ALDH1L1: variants seen among roughly 807,000 people sequenced by gnomAD.
ALDH1L1 encodes the protein aldehyde dehydrogenase 1 family member L1.
In ALDH1L1, 68 loss-of-function variants were observed where a neutral mutation model predicts 101.1. The observed-to-expected ratio is 0.67, with a 90% CI of 0.55 to 0.82. ALDH1L1 has a LOEUF of 0.82. ALDH1L1 is among the 40% of genes least tolerant of loss of function. ALDH1L1 has a pLI of 0.00. For missense variants in ALDH1L1, 1,087 were observed against 1,172.7 expected (o/e 0.93, Z 1.07); for synonymous variants, 486 against 470.8 (o/e 1.03, Z -0.42).
chr3:126,180,907 A>C (rs1460452311), upstream of ALDH1L1: 3 of 1,603,498 alleles, frequency 1.9e-6, no homozygotes, highest in Admixed American at 1.7e-5. Flanking sequence ...GACCCTCGCC[A>C]AGCCGGTGAC....
At chr3:126,133,834 G>A (rs1056194160) in intron 12 of ALDH1L1, among the ~76,000 whole-genome samples, 2 of 152,196 alleles carry the variant, frequency 1.3e-5, no homozygotes, top group African/African-American at 4.8e-5. Flanking sequence ...CTCAGCCGTG[G>A]ACCACAGTGG....
chr3:126,137,703 G>T, intron 10 of ALDH1L1, 110 bp downstream of exon 10: 1 of 1,450,236 alleles, frequency 6.9e-7, no homozygotes, highest in Non-Finnish European at 9.2e-7. Flanking sequence ...GTGGGCTCCT[G>T]GGGCCCTGGC....
chr3:126,180,040 A>G (rs1431909909), intron 1 of ALDH1L1: 1 of 152,184 alleles, frequency 6.6e-6, no homozygotes, highest in Non-Finnish European at 1.5e-5. Flanking sequence ...CCTGTCACAG[A>G]ATGGGGTCGA....
At chr3:126,195,262 T>G (rs191968681) in intron 1 of ALDH1L1, among the ~76,000 whole-genome samples, 1 of 152,316 alleles carries the variant, frequency 6.6e-6, no homozygotes, top group African/African-American at 2.4e-5. Flanking sequence ...CAATAATCTT[T>G]AAAGCTGTTT....
At chr3:126,136,186 T>G (rs571690790) in intron 11 of ALDH1L1, among the ~76,000 whole-genome samples, 4 of 152,350 alleles carry the variant, frequency 2.6e-5, no homozygotes, top group African/African-American at 9.6e-5. Context: ...ATTTTGAGTG[T>G]GCTCTCTGTC....
chr3:126,111,801 ATTAGATGC>A (rs1395444596), intron 19 of ALDH1L1, among the ~76,000 whole-genome samples: 1 of 152,160 alleles, frequency 6.6e-6, no homozygotes, highest in Non-Finnish European at 1.5e-5. Context: ...ATCCACTGGG[ATTAGATGC>A]TGCTCTCCAC....
intron 22 of ALDH1L1, 96 bp from the exon 23 acceptor site, chr3:126,103,942 A>G: frequency 1.4e-6 from 2 of 1,392,734 alleles, no homozygotes; most frequent in Non-Finnish European, 2.0e-6. Context: ...ACGTGGGGGC[A>G]GCTCTGGCTC....
At chr3:126,178,939 G>GAA (rs72451047) in intron 1 of ALDH1L1, among the ~76,000 whole-genome samples, 35,409 of 147,220 alleles carry the variant, frequency 0.24, 4,851 homozygotes, top group African/African-American at 0.38. Context: ...GATTACTTCT[G>GAA]AAAAAAAAAA....
At chr3:126,135,205 A>T (rs1325198701) in intron 12 of ALDH1L1, 1 of 241,938 alleles carries the variant, frequency 4.1e-6, no homozygotes, top group Non-Finnish European at 8.0e-6. Context: ...CAGGCTGGTG[A>T]GGGAAGTGCT....
intron 17 of ALDH1L1, chr3:126,115,317 G>A (rs1240745082): frequency 9.2e-6 from 3 of 326,006 alleles, no homozygotes; most frequent in Non-Finnish European, 1.8e-5. Flanking sequence ...GTCAATAGCC[G>A]GCAGGTAGGA....
intron 5 of ALDH1L1, among the ~76,000 whole-genome samples, chr3:126,155,180 G>GA (rs2080880375): frequency 6.6e-6 from 1 of 152,192 alleles, no homozygotes; most frequent in African/African-American, 2.4e-5. Context: ...AGAGGAACAG[G>GA]AAAGAACCTG....
intron 20 of ALDH1L1, 79 bp from the exon 21 acceptor site, chr3:126,107,325 G>A: frequency 8.8e-7 from 1 of 1,139,680 alleles, no homozygotes; most frequent in Non-Finnish European, 1.3e-6. Flanking sequence ...CAGGGCCTGG[G>A]CCACACCAGC....
intron 1 of ALDH1L1, among the ~76,000 whole-genome samples, chr3:126,175,116 A>T (rs1237911267): frequency 6.6e-6 from 1 of 152,124 alleles, no homozygotes; most frequent in Non-Finnish European, 1.5e-5. Flanking sequence ...AGTATGAACA[A>T]CTCTATATCA....
chr3:126,158,201 CT>C (rs1164710162), intron 3 of ALDH1L1, among the ~76,000 whole-genome samples: 1 of 152,206 alleles, frequency 6.6e-6, no homozygotes, highest in Non-Finnish European at 1.5e-5. Context: ...TTAGCAACAC[CT>C]GCTCCCAGTG....
At position 126,153,492 on chromosome 3, in the gene ALDH1L1, C is replaced by A; in HGVS notation, c.810G>T (p.Gly270=). 1.9e-6 allele frequency: 3 copies of A among 1,614,172 alleles called. No individual in the cohort carries two copies. The highest frequency in any genetic ancestry group is 1.7e-5 in the Admixed American group (1 of 60,024). The change falls in exon 7 of 23, where the codon GGG becomes GGT. Residue 270 remains glycine, a synonymous_variant. Transcript: ENST00000393434. ...GGATGAGTCCTGCTTTGGTGACCAC[C>A]CCTGGCCGATGGGCTCCTGGGATGG... is the stretch of plus-strand genomic sequence containing the variant. ...ALPIPGAHRP[G]VVTKAGLILF... is the part of the protein sequence containing the mutation.
intron 18 of ALDH1L1, among the ~76,000 whole-genome samples, chr3:126,113,567 G>A (rs13321483): frequency 0.044 from 6,702 of 152,254 alleles, 414 homozygotes; most frequent in African/African-American, 0.13. Context: ...CCGACCTCCA[G>A]CTCAGCACAG....
chr3:126,114,181 T>C (rs1946165300), intron 18 of ALDH1L1, among the ~76,000 whole-genome samples: 1 of 152,222 alleles, frequency 6.6e-6, no homozygotes, highest in South Asian at 2.1e-4. Context: ...ATGGTTACCA[T>C]AGTGAAGCAG....
chr3:126,176,001 A>G (rs144409175), intron 1 of ALDH1L1, among the ~76,000 whole-genome samples: 1 of 152,334 alleles, frequency 6.6e-6, no homozygotes, highest in Non-Finnish European at 1.5e-5. Flanking sequence ...TGCTGGATGT[A>G]AAGTCATGGT....
At chr3:126,136,393 A>G (rs1163735827) in intron 11 of ALDH1L1, among the ~76,000 whole-genome samples, 1 of 152,122 alleles carries the variant, frequency 6.6e-6, no homozygotes, top group Non-Finnish European at 1.5e-5. Context: ...CAGGTCGAAG[A>G]AGAATGTCCT....
Sources: allele counts gnomAD v4.1 joint callset (sites outside exome capture counted in the v4.1 genomes callset), GRCh38; gene constraint gnomAD v4.1.1; transcripts MANE v1.5; gene names NCBI Gene and HGNC (gene_info 2026-07-23, HGNC 2026-07-21).